TENM3: variants seen among roughly 807,000 people sequenced by gnomAD.
TENM3 encodes the protein teneurin transmembrane protein 3, also known as teneurin-3.
A neutral mutation model predicts 255.1 loss-of-function variants in TENM3; 63 were observed. The observed-to-expected ratio is 0.25, with a 90% CI of 0.20 to 0.30. The LOEUF (loss-of-function observed/expected upper bound fraction) is 0.30, where lower values mean the gene tolerates loss of function less well. Ranked by LOEUF, TENM3 falls within the 10% of genes least tolerant of loss-of-function variation. TENM3 has a pLI of 1.00. For synonymous variants in TENM3, 1,306 were observed against 1,322.3 expected, an observed-to-expected ratio of 0.99 and a Z score of 0.27; for missense variants, 2,929 against 3,461.1, an observed-to-expected ratio of 0.85 and a Z score of 3.86.
At chr4:181,876,905 A>G in the TENM3 span, 1 of 152,160 alleles carries the variant, frequency 6.6e-6, no homozygotes, top group African/African-American at 2.4e-5. Context: ...AATAATTGGA[A>G]CTGTGAAGGA....
At chr4:181,859,949 A>G in the TENM3 span, among the ~76,000 whole-genome samples, 1 of 152,170 alleles carries the variant, frequency 6.6e-6, no homozygotes, top group African/African-American at 2.4e-5. Flanking sequence ...AGAAAGAATG[A>G]CATGTAGTCC....
the TENM3 span, among the ~76,000 whole-genome samples, chr4:181,728,272 G>C: frequency 1.3e-5 from 2 of 152,078 alleles, no homozygotes; most frequent in Non-Finnish European, 2.9e-5. Context: ...CCAAAAAGAG[G>C]GTTCTAGGAT....
the TENM3 span, among the ~76,000 whole-genome samples, chr4:182,077,019 TCCATAAC>T: frequency 6.6e-6 from 1 of 152,186 alleles, no homozygotes; most frequent in Non-Finnish European, 1.5e-5. Flanking sequence ...CTTGATTTCT[TCCATAAC>T]CTTTCCTTGA....
At chr4:181,507,588 C>T in the TENM3 span, among the ~76,000 whole-genome samples, 8 of 152,216 alleles carry the variant, frequency 5.3e-5, no homozygotes, top group African/African-American at 1.9e-4. Context: ...GTGGCCCTTG[C>T]CCTGCAGTCA....
intron 12 of TENM3, among the ~76,000 whole-genome samples, chr4:182,693,610 A>T (rs1176212555): frequency 1.3e-5 from 2 of 152,092 alleles, no homozygotes; most frequent in African/African-American, 4.8e-5. Flanking sequence ...CTTTTATCTT[A>T]ACTGTTCTTA....
At chr4:181,722,906 G>A in the TENM3 span, among the ~76,000 whole-genome samples, 1,533 of 152,212 alleles carry the variant, frequency 0.01, 28 homozygotes, top group African/African-American at 0.035. Flanking sequence ...CTCATTGTGT[G>A]TAGGGGTCTA....
chr4:181,644,922 G>A, the TENM3 span, among the ~76,000 whole-genome samples: 3 of 152,078 alleles, frequency 2.0e-5, no homozygotes, highest in Non-Finnish European at 4.4e-5. Flanking sequence ...TTGTAGAAAG[G>A]CTGGGAGAGG....
the TENM3 span, among the ~76,000 whole-genome samples, chr4:181,479,237 T>C: frequency 9.9e-5 from 15 of 152,160 alleles, no homozygotes; most frequent in Admixed American, 9.8e-4. Context: ...TCTTGAAAAA[T>C]GCTAATTGGA....
the TENM3 span, among the ~76,000 whole-genome samples, chr4:181,594,824 A>G: frequency 7.9e-5 from 12 of 152,158 alleles, no homozygotes. Context: ...CCCAACACCC[A>G]CACACATCTC....
At chr4:182,122,769 T>G in the TENM3 span, among the ~76,000 whole-genome samples, 1 of 152,232 alleles carries the variant, frequency 6.6e-6, no homozygotes, top group East Asian at 1.9e-4. Flanking sequence ...TAAAAGAGAC[T>G]CAGCCTGTCC....
chr4:182,525,314 C>T (rs149247157), intron 3 of TENM3, among the ~76,000 whole-genome samples: 17 of 152,308 alleles, frequency 1.1e-4, no homozygotes, highest in African/African-American at 4.1e-4. Flanking sequence ...ATAGCAGCTG[C>T]TGGTTGCAGA....
intron 3 of TENM3, among the ~76,000 whole-genome samples, chr4:182,466,496 A>AT (rs972857652): frequency 4.0e-5 from 6 of 151,726 alleles, no homozygotes; most frequent in East Asian, 3.9e-4. Context: ...TGCCTGGCTA[A>AT]TTTTTTTTAT....
At chr4:182,333,744 A>G (rs1763924407) in intron 2 of TENM3, among the ~76,000 whole-genome samples, 1 of 152,224 alleles carries the variant, frequency 6.6e-6, no homozygotes, top group Admixed American at 6.5e-5. Context: ...AGAAAATTAA[A>G]TGATATATAT....
At chr4:182,355,911 T>TATTA (rs554304521) in intron 3 of TENM3, among the ~76,000 whole-genome samples, 53 of 147,954 alleles carry the variant, frequency 3.6e-4, no homozygotes, top group African/African-American at 1.1e-3. Flanking sequence ...TATATATATA[T>TATTA]TATATATATA....
chr4:181,669,862 G>A, the TENM3 span, among the ~76,000 whole-genome samples: 2 of 152,158 alleles, frequency 1.3e-5, no homozygotes, highest in African/African-American at 2.4e-5. Flanking sequence ...GAGAACTTCG[G>A]TGTGTATCAG....
chr4:181,783,664 T>C, the TENM3 span, among the ~76,000 whole-genome samples: 1 of 152,146 alleles, frequency 6.6e-6, no homozygotes, highest in Non-Finnish European at 1.5e-5. Flanking sequence ...AATATGTAGC[T>C]TTATCTTGCC....
chr4:182,378,249 T>C (rs1767315043), intron 3 of TENM3, among the ~76,000 whole-genome samples: 3 of 152,236 alleles, frequency 2.0e-5, no homozygotes, highest in African/African-American at 7.2e-5. Context: ...AGCATCTGCA[T>C]GTGCTGTTGT....
At chr4:182,667,810 G>T (rs1754835377) in intron 6 of TENM3, among the ~76,000 whole-genome samples, 1 of 151,282 alleles carries the variant, frequency 6.6e-6, no homozygotes, top group South Asian at 2.1e-4. Flanking sequence ...GGGGTGGGGG[G>T]AGTGGGGAGG....
intron 3 of TENM3, among the ~76,000 whole-genome samples, chr4:182,426,007 CAAAAAAAAA>C (rs55836889): frequency 3.3e-5 from 3 of 90,754 alleles, no homozygotes; most frequent in Non-Finnish European, 4.4e-5. Context: ...GAGTCCATGT[CAAAAAAAAA>C]AAAAAAAAAA....
Sources: gnomAD v4.1 joint callset for allele counts (sites outside exome capture counted in the v4.1 genomes callset) on GRCh38, gnomAD v4.1.1 for gene constraint, MANE v1.5 for transcripts, NCBI Gene and HGNC (gene_info 2026-07-23, HGNC 2026-07-21) for gene names.